TBCD: variants seen among roughly 807,000 people sequenced by gnomAD.
TBCD encodes tubulin-specific chaperone D.
Under a neutral mutation model 169.3 loss-of-function variants are expected in TBCD, and 105 were observed. The ratio of observed to expected loss-of-function variants is 0.62; its 90% CI spans 0.53 to 0.73. The LOEUF (loss-of-function observed/expected upper bound fraction) is 0.73. TBCD is among the 30% of genes least tolerant of loss of function. The pLI, the probability that TBCD is intolerant of heterozygous loss-of-function variation, is 0.00. For missense variants in TBCD, 1,444 were observed against 1,600.1 expected (o/e 0.90, Z 1.66); for synonymous variants, 700 against 643.9 (o/e 1.09, Z -1.32).
At chr17:82,859,618 G>A in intron 13 of TBCD, 1 of 985,466 alleles carries the variant, frequency 1.0e-6, no homozygotes, top group South Asian at 4.7e-5. Context: ...GAGCCCTGTA[G>A]TGAGGACAAA....
At chr17:82,778,894 T>C (rs1035157161) in intron 6 of TBCD, among the ~76,000 whole-genome samples, 20 of 152,184 alleles carry the variant, frequency 1.3e-4, no homozygotes, top group African/African-American at 4.3e-4. Context: ...ACTCCTGACC[T>C]CAGGTGATCC....
At chr17:82,933,452 CTA>C (rs1161496705) in intron 34 of TBCD, among the ~76,000 whole-genome samples, 1 of 151,884 alleles carries the variant, frequency 6.6e-6, no homozygotes, top group Non-Finnish European at 1.5e-5. Flanking sequence ...CAGGATTTCA[CTA>C]TGTTTCCCAG....
chr17:82,806,143 C>A lies in TBCD; in HGVS notation c.1087+132C>A. 1 of 1,244,086 alleles carries A rather than the reference C, an allele frequency of 8.0e-7. No homozygotes were observed. The highest frequency in any genetic ancestry group is 1.1e-6 in the Non-Finnish European group (1 of 903,826). The allele number at this position is 1,244,086 out of a possible 1,614,324, so 77.1% of individuals were successfully genotyped here. On this transcript the variant is annotated intron_variant, in intron 10 of 38. Transcript: ENST00000355528. This position sits in a 1 kb window ranked among gnomAD's most constrained non-coding sequence, Gnocchi z 5.1. ...GGCCACCCGTCCCCTTCGCTGAGTGCACGGTCACTGCCCGTCCTCTGGCTC... is the reference window on the plus strand; with the variant it reads ...GGCCACCCGTCCCCTTCGCTGAGTGAACGGTCACTGCCCGTCCTCTGGCTC...
intron 13 of TBCD, among the ~76,000 whole-genome samples, chr17:82,817,040 G>T (rs537097720): frequency 1.3e-5 from 2 of 152,260 alleles, no homozygotes; most frequent in South Asian, 2.1e-4. Context: ...AATTGTTGTT[G>T]TAAGTAAGAG....
chr17:82,900,578 C>A, intron 17 of TBCD, 73 bp from the exon 18 acceptor site: 1 of 1,211,984 alleles, frequency 8.3e-7, no homozygotes, highest in South Asian at 1.2e-5. Context: ...AGTAACTGTG[C>A]TGAATTCCCA....
chr17:82,775,525 C>T (rs2048542904), intron 6 of TBCD, among the ~76,000 whole-genome samples: 1 of 152,132 alleles, frequency 6.6e-6, no homozygotes, highest in South Asian at 2.1e-4. Context: ...CAGGGAGGAG[C>T]AGCCTGCTCT....
At chr17:82,799,166 T>C (rs777930037) in intron 8 of TBCD, among the ~76,000 whole-genome samples, 19 of 152,010 alleles carry the variant, frequency 1.2e-4, no homozygotes, top group Non-Finnish European at 1.9e-4. Context: ...CTATCCGGAC[T>C]GGGCGTTGTG....
At chr17:82,869,171 G>A (rs1334838722) in intron 13 of TBCD, among the ~76,000 whole-genome samples, 2 of 152,186 alleles carry the variant, frequency 1.3e-5, no homozygotes, top group Non-Finnish European at 2.9e-5. Context: ...CGTTTTCTTT[G>A]TTCAGCAGTT....
chr17:82,927,033 T>G, intron 28 of TBCD, 153 bp from the exon 29 acceptor site: 2 of 1,047,030 alleles, frequency 1.9e-6, no homozygotes, highest in Non-Finnish European at 2.7e-6. Context: ...GTTCCATACA[T>G]GTGGAAGGAG....
chr17:82,790,973 G>A (rs566867068), intron 7 of TBCD, among the ~76,000 whole-genome samples: 10 of 152,040 alleles, frequency 6.6e-5, no homozygotes, highest in African/African-American at 1.9e-4. Flanking sequence ...CCCTGCCGCC[G>A]TTGCCCTCCC....
At chr17:82,937,938 C>T in intron 35 of TBCD, 111 bp from the exon 36 acceptor site, 1 of 1,547,118 alleles carries the variant, frequency 6.5e-7, no homozygotes, top group South Asian at 1.2e-5. Flanking sequence ...CCGCACTGTG[C>T]TCACGGATCT....
intron 13 of TBCD, among the ~76,000 whole-genome samples, chr17:82,855,263 T>TAA (rs2056170223): frequency 8.6e-6 from 1 of 115,708 alleles, no homozygotes; most frequent in Non-Finnish European, 1.7e-5. Context: ...TTTTTTTTTT[T>TAA]TTTTTTTTAA....
intron 13 of TBCD, among the ~76,000 whole-genome samples, chr17:82,837,193 G>A (rs2054062004): frequency 6.6e-6 from 1 of 152,236 alleles, no homozygotes; most frequent in South Asian, 2.1e-4. Context: ...ATGTCAGCCT[G>A]TGAGTTCTGT....
In TBCD at chr17:82,875,598, G is replaced by A. The variant is rs144391129; in HGVS notation, c.1475+5218G>A. Among the ~76,000 whole-genome samples, 697 of 152,324 alleles carry A rather than the reference G, an allele frequency of 4.6e-3. 2 individuals are homozygous for A. Among genetic ancestry groups the A allele is most frequent in the African/African-American group, 0.016 (658 of 41,572 alleles). The stretch of plus-strand genomic sequence containing the variant: ...TCCACCTCGAGCAAACCTGCTGAGC[G>A]GCGCGGCCCAGGGAGGATCCGCCGA... On this transcript the variant is annotated intron_variant, in intron 14 of 38. Transcript: ENST00000355528.
Position 82,915,109 on chromosome 17 carries a change from C to G in TBCD, c.2038+3320C>G, listed in dbSNP as rs576093761. ...CCAAGCTCTTGTCGGGGTGAGAAAT[C>G]TGCGGGTTCACGGGCTACATGTGGG... On this transcript the variant is annotated intron_variant, in intron 23 of 38. Coordinates refer to ENST00000355528, the MANE Select transcript of TBCD (RefSeq NM_005993.5). The surrounding 1 kb of genome is among the most constrained non-coding windows in gnomAD (Gnocchi z 4.3). Among the ~76,000 whole-genome samples, 1 of 152,124 alleles carries G rather than the reference C, an allele frequency of 6.6e-6. No individual in the cohort carries two copies. The highest frequency in any genetic ancestry group is 6.5e-5 in the Admixed American group (1 of 15,276).
rs557084337 is a variant in TBCD at position 82,920,359 on chromosome 17, G to A, written c.2039-197G>A. On this transcript the variant is annotated intron_variant, in intron 23 of 38. Transcript: ENST00000355528. The surrounding 1 kb of genome is among the most constrained non-coding windows in gnomAD (Gnocchi z 4.1). ...CAGCACTTTCTTCAGGCTGCTCAGCGGAGGAGGCGTCTTGGGCTTCTCATG... is the reference window on the plus strand; with the variant it reads ...CAGCACTTTCTTCAGGCTGCTCAGCAGAGGAGGCGTCTTGGGCTTCTCATG... The A allele has an allele frequency of 4.1e-5, 25 of 615,144 alleles. No homozygotes were observed. The highest frequency in any genetic ancestry group is 3.2e-4 in the South Asian group (16 of 50,658). 38.1% of individuals were successfully genotyped at this position (615,144 alleles called of 1,614,324 possible). A position where few individuals can be genotyped will look rare whatever the true frequency, so the allele number is the denominator to read the frequency against.
At chr17:82,755,487 C>CT (rs1285788665) in intron 1 of TBCD, among the ~76,000 whole-genome samples, 1 of 152,164 alleles carries the variant, frequency 6.6e-6, no homozygotes, top group Non-Finnish European at 1.5e-5. Flanking sequence ...GGCCTGCTGT[C>CT]TGTCATGTGA....
chr17:82,867,242 C>T (rs2057235817), intron 13 of TBCD, among the ~76,000 whole-genome samples: 1 of 152,218 alleles, frequency 6.6e-6, no homozygotes, highest in Non-Finnish European at 1.5e-5. Context: ...TGTCCAGGTG[C>T]ATGCGTTGGG....
Position 82,880,527 on chromosome 17 carries a change from TTTG to T in TBCD, c.1476-3609_1476-3607del, listed in dbSNP as rs1299955904. Among the ~76,000 whole-genome samples, 3 of 152,196 alleles carry T rather than the reference TTTG, an allele frequency of 2.0e-5. No individual in the cohort carries two copies. Among genetic ancestry groups the T allele is most frequent in the African/African-American group, 2.4e-5 (1 of 41,446 alleles). ...TGACCAGGGTAGTTGGGCTTATGAC[TTTG>T]TTGTTGTTTACGTGGAGGAACTGAA... On this transcript the variant is annotated intron_variant, in intron 14 of 38. Transcript: ENST00000355528. The surrounding 1 kb of genome is among the most constrained non-coding windows in gnomAD (Gnocchi z 5.0).
Sources: allele counts gnomAD v4.1 joint callset (sites outside exome capture counted in the v4.1 genomes callset), GRCh38; gene constraint gnomAD v4.1.1; non-coding constraint Gnocchi (gnomAD v3.1); transcripts MANE v1.5; gene names NCBI Gene and HGNC (gene_info 2026-07-23, HGNC 2026-07-21).